The following ARSG variants were observed in gnomAD, a reference collection of about 807,000 sequenced individuals.
ARSG encodes the protein arylsulfatase G.
Under a neutral mutation model 50.5 loss-of-function variants are expected in ARSG, and 37 were observed. That is an observed-to-expected ratio of 0.73 (90% confidence interval 0.56 to 0.96). The LOEUF (loss-of-function observed/expected upper bound fraction) is 0.96. ARSG is among the 50% of genes least tolerant of loss of function. The pLI is 0.00. For missense variants in ARSG, 629 were observed against 675.3 expected, an observed-to-expected ratio of 0.93 and a Z score of 0.76; for synonymous variants, 225 against 254.6, an observed-to-expected ratio of 0.88 and a Z score of 1.11.
chr17:68,405,157 G>A (rs1225883740), intron 11 of ARSG, among the ~76,000 whole-genome samples: 2 of 91,314 alleles, frequency 2.2e-5, no homozygotes, highest in African/African-American at 1.1e-4. Flanking sequence ...TTTTTAGACT[G>A]TTTTGACTAT....
upstream of ARSG, chr17:68,291,470 G>C (rs1427550169): frequency 4.6e-5 from 7 of 150,804 alleles, no homozygotes; most frequent in African/African-American, 1.7e-4. Context: ...CGCAGCCAAG[G>C]AGGGGGCCTG....
In ARSG at chr17:68,420,653, C is replaced by T. The variant is rs1348353122; in HGVS notation, c.*190C>T. 1 of 687,960 alleles carries T rather than the reference C, an allele frequency of 1.5e-6. No individual in the cohort carries two copies. Among genetic ancestry groups the T allele is most frequent in the African/African-American group, 1.8e-5 (1 of 55,402 alleles). 42.6% of individuals were successfully genotyped at this position (687,960 alleles called of 1,614,324 possible). Reference sequence around the variant, plus strand: ...CCGACCCGAGAGCAGCTGAGCTGCGCTGGCTCTGGGCAGGGAGTGTGCCTT... The same window carrying T: ...CCGACCCGAGAGCAGCTGAGCTGCGTTGGCTCTGGGCAGGGAGTGTGCCTT... On this transcript the variant is annotated 3_prime_UTR_variant, in exon 12 of 12. Coordinates refer to ENST00000621439, the MANE Select transcript of ARSG (RefSeq NM_001267727.2).
intron 6 of ARSG, among the ~76,000 whole-genome samples, chr17:68,365,130 C>A (rs1229575479): frequency 6.6e-6 from 1 of 152,056 alleles, no homozygotes; most frequent in Non-Finnish European, 1.5e-5. Flanking sequence ...GCCAACATGG[C>A]AAAACCTCAT....
At chr17:68,385,425 A>G (rs1350395620) in intron 9 of ARSG, among the ~76,000 whole-genome samples, 1 of 150,534 alleles carries the variant, frequency 6.6e-6, no homozygotes, top group African/African-American at 2.4e-5. Context: ...GCACTTTGGG[A>G]GGCTGAGGCA....
chr17:68,370,588 A>G, intron 8 of ARSG, 64 bp downstream of exon 8: 1 of 1,494,662 alleles, frequency 6.7e-7, no homozygotes, highest in East Asian at 2.3e-5. Flanking sequence ...GGGGTGTGGG[A>G]TTCTGCCTCC....
chr17:68,300,973 C>T (rs911212535), intron 1 of ARSG, among the ~76,000 whole-genome samples: 1 of 151,880 alleles, frequency 6.6e-6, no homozygotes, highest in Admixed American at 6.6e-5. Flanking sequence ...AAAAAATTAG[C>T]CGGGCGTGGT....
chr17:68,421,029 C>A (rs1336536540), downstream of ARSG: 1 of 155,904 alleles, frequency 6.4e-6, no homozygotes, highest in Non-Finnish European at 1.4e-5. Context: ...AATCCGGATT[C>A]CGTCTCAGTA....
chr17:68,361,996 T>G (rs1055192275), intron 6 of ARSG, among the ~76,000 whole-genome samples: 9 of 152,122 alleles, frequency 5.9e-5, no homozygotes, highest in Non-Finnish European at 5.9e-5. Flanking sequence ...AGTCGATGGT[T>G]GTATACTAAG....
upstream of ARSG, chr17:68,291,144 C>G (rs1419655445): frequency 6.6e-6 from 1 of 152,180 alleles, no homozygotes; most frequent in Non-Finnish European, 1.5e-5. Flanking sequence ...GAGGCTTGGC[C>G]TCCCCCTCCT....
rs562706619 is a variant in ARSG at position 68,309,578 on chromosome 17, A to G, written c.218+1867A>G. Among the ~76,000 whole-genome samples, 19 of 152,260 alleles carry G rather than the reference A, an allele frequency of 1.2e-4. No homozygotes were observed. The East Asian group carries it at 3.1e-3, about 25-fold the overall frequency. ...AGACTCTGTCTCTTAAAAAATAAGT[A>G]AATAGGCTGGGTGCAGTGGCTCACG... On this transcript the variant is annotated intron_variant, in intron 2 of 11. Coordinates refer to ENST00000621439, the MANE Select transcript of ARSG (RefSeq NM_001267727.2).
chr17:68,372,219 G>T (rs1029963526), intron 8 of ARSG, among the ~76,000 whole-genome samples: 3 of 151,992 alleles, frequency 2.0e-5, no homozygotes, highest in African/African-American at 7.2e-5. Flanking sequence ...GAATTAGAGG[G>T]AACCAAAAAG....
chr17:68,419,925 T>C (rs2082656384), intron 11 of ARSG, among the ~76,000 whole-genome samples: 1 of 151,912 alleles, frequency 6.6e-6, no homozygotes, highest in Non-Finnish European at 1.5e-5. Context: ...CGCTACTGCA[T>C]TCCAGCCTGG....
At chr17:68,431,045 C>T in the ARSG span, among the ~76,000 whole-genome samples, 83 of 152,226 alleles carry the variant, frequency 5.5e-4, no homozygotes, top group South Asian at 3.1e-3. Flanking sequence ...TTCTGTGATC[C>T]GAAGCATCCT....
chr17:68,305,520 T>C (rs1401105043), intron 1 of ARSG, among the ~76,000 whole-genome samples: 1 of 152,224 alleles, frequency 6.6e-6, no homozygotes, highest in African/African-American at 2.4e-5. Context: ...CAGATTCATA[T>C]GTACCTCCAT....
At chr17:68,397,990 C>T (rs947990497) in intron 10 of ARSG, among the ~76,000 whole-genome samples, 1 of 152,188 alleles carries the variant, frequency 6.6e-6, no homozygotes, top group Non-Finnish European at 1.5e-5. Context: ...TGGTGTCAAA[C>T]TCCTGACCTC....
At chr17:68,445,881 G>A in the ARSG span, among the ~76,000 whole-genome samples, 2 of 152,288 alleles carry the variant, frequency 1.3e-5, no homozygotes, top group East Asian at 3.9e-4. Context: ...GATGCCCAAG[G>A]AGCTGCCCAA....
chr17:68,444,373 T>G, the ARSG span: 1 of 837,700 alleles, frequency 1.2e-6, no homozygotes, highest in Non-Finnish European at 2.0e-6. Flanking sequence ...GAGATAAACC[T>G]CACTAAGACT....
chr17:68,447,603 C>G, the ARSG span, among the ~76,000 whole-genome samples: 8 of 152,108 alleles, frequency 5.3e-5, no homozygotes, highest in South Asian at 1.2e-3. Flanking sequence ...ATTGCCCAAG[C>G]TGGACTCAAA....
rs139073209 is a variant in ARSG, at chr17:68,321,478, C to G, written c.218+13767C>G. ...GTCCCTTTACACACAAAGGCCGCAG[C>G]AAAAGATTTTAAAAACCTATTTTCA... On this transcript the variant is annotated intron_variant, in intron 2 of 11. Transcript: ENST00000621439. Among the ~76,000 whole-genome samples the G allele has an allele frequency of 3.3e-5, 5 of 152,292 alleles. No individual in the cohort carries two copies. In the East Asian group the frequency reaches 9.6e-4, roughly 29 times the overall value.
Sources: gnomAD v4.1 joint callset for allele counts (sites outside exome capture counted in the v4.1 genomes callset) on GRCh38, gnomAD v4.1.1 for gene constraint, MANE v1.5 for transcripts, NCBI Gene and HGNC (gene_info 2026-07-23, HGNC 2026-07-21) for gene names.